PEAK1: variants seen among roughly 807,000 people sequenced by gnomAD.
PEAK1 encodes the protein pseudopodium enriched atypical kinase 1, also known as inactive tyrosine-protein kinase PEAK1.
In PEAK1, 54 loss-of-function variants were observed where a neutral mutation model predicts 124.7. The ratio of observed to expected loss-of-function variants is 0.43; its 90% CI spans 0.35 to 0.54. The LOEUF (loss-of-function observed/expected upper bound fraction) is 0.54, where lower values mean the gene tolerates loss of function less well. Among genes scored for constraint, PEAK1 ranks in the 20% least tolerant of loss-of-function variants. The pLI is 0.01. For missense variants in PEAK1, 2,046 were observed against 2,134.5 expected, an observed-to-expected ratio of 0.96 and a Z score of 0.82; for synonymous variants, 719 against 760.0, an observed-to-expected ratio of 0.95 and a Z score of 0.89.
chr15:77,206,739 A>T (rs1259436811), intron 6 of PEAK1, among the ~76,000 whole-genome samples: 1 of 151,956 alleles, frequency 6.6e-6, no homozygotes, highest in East Asian at 1.9e-4. Flanking sequence ...CCTTTGTCAG[A>T]CGAGTAGGTT....
intron 6 of PEAK1, among the ~76,000 whole-genome samples, chr15:77,203,225 A>G (rs2058457874): frequency 1.3e-5 from 2 of 152,038 alleles, no homozygotes; most frequent in South Asian, 4.2e-4. Flanking sequence ...AAGGGGACGT[A>G]AGAGAGGCAG....
At chr15:77,272,726 T>C (rs1157592084) in intron 5 of PEAK1, among the ~76,000 whole-genome samples, 1 of 151,726 alleles carries the variant, frequency 6.6e-6, no homozygotes, top group African/African-American at 2.4e-5. Context: ...CTCCAGAAGA[T>C]ACAGAAAGAA....
intron 8 of PEAK1, among the ~76,000 whole-genome samples, chr15:77,135,081 A>T (rs1258226443): frequency 6.6e-6 from 1 of 152,188 alleles, no homozygotes; most frequent in Non-Finnish European, 1.5e-5. Flanking sequence ...ACTGTCTCAG[A>T]GGGAACACAG....
chr15:77,389,378 C>T (rs1392257569), intron 1 of PEAK1, among the ~76,000 whole-genome samples: 1 of 152,132 alleles, frequency 6.6e-6, no homozygotes, highest in Non-Finnish European at 1.5e-5. Context: ...CCCTGTGTGT[C>T]ACTAGACAGG....
chr15:77,348,022 C>A (rs180710065), intron 2 of PEAK1: 3 of 985,190 alleles, frequency 3.0e-6, no homozygotes, highest in Non-Finnish European at 1.2e-6. Flanking sequence ...TTAAAATTCC[C>A]AAACTATGCA....
intron 8 of PEAK1, among the ~76,000 whole-genome samples, chr15:77,146,869 T>G (rs1429170222): frequency 2.6e-5 from 4 of 152,194 alleles, no homozygotes; most frequent in African/African-American, 7.2e-5. Flanking sequence ...TATAACAACA[T>G]TATTCTATAA....
At chr15:77,383,070 TG>T (rs1225626106) in intron 1 of PEAK1, among the ~76,000 whole-genome samples, 2 of 150,264 alleles carry the variant, frequency 1.3e-5, no homozygotes, top group East Asian at 3.9e-4. Flanking sequence ...TTGCCCAGGC[TG>T]GAGCGTAAGT....
In PEAK1 at chr15:77,202,612, A is replaced by T. The variant is rs72475989; in HGVS notation, c.-114-20572T>A. On this transcript the variant is annotated intron_variant, in intron 6 of 9. Transcript: ENST00000682557. ...AAACCCCGTCTCTACTAAAAAAAAT[A>T]AAAAAAAAATAGCTGGGCATGGTGG... Among the ~76,000 whole-genome samples the T allele has an allele frequency of 2.8e-3, 422 of 148,676 alleles. 7 individuals are homozygous for T. In the East Asian group the frequency reaches 0.043, roughly 15 times the overall value.
chr15:77,336,076 A>C (rs1207922240), intron 2 of PEAK1: 1 of 985,322 alleles, frequency 1.0e-6, no homozygotes, highest in African/African-American at 1.7e-5. Flanking sequence ...CCATTAAAAG[A>C]CTGCTATGAA....
At chr15:77,355,422 T>C (rs2067459107) in intron 2 of PEAK1, among the ~76,000 whole-genome samples, 1 of 152,238 alleles carries the variant, frequency 6.6e-6, no homozygotes, top group Admixed American at 6.5e-5. Flanking sequence ...CAAGAATGAC[T>C]GTTCAGATTA....
chr15:77,381,872 T>C (rs138319437), intron 1 of PEAK1, among the ~76,000 whole-genome samples: 1 of 152,300 alleles, frequency 6.6e-6, no homozygotes, highest in African/African-American at 2.4e-5. Context: ...CCTAATTGTA[T>C]CTGAACTGGA....
chr15:77,250,250 T>TAC (rs2060813497), intron 6 of PEAK1, among the ~76,000 whole-genome samples: 1 of 70,774 alleles, frequency 1.4e-5, no homozygotes, highest in African/African-American at 4.1e-5. Flanking sequence ...TATATATATA[T>TAC]ATATATATTT....
At chr15:77,231,615 A>G (rs939755921) in intron 6 of PEAK1, among the ~76,000 whole-genome samples, 1 of 152,314 alleles carries the variant, frequency 6.6e-6, no homozygotes, top group East Asian at 1.9e-4. Flanking sequence ...GTTTTAGAGT[A>G]TAATTTTCTT....
At chr15:77,116,697 AATCAATCTATCT>A (rs1461253232) in intron 9 of PEAK1, among the ~76,000 whole-genome samples, 190 of 137,168 alleles carry the variant, frequency 1.4e-3, no homozygotes, top group African/African-American at 3.9e-3. Flanking sequence ...CATGGAAATC[AATCAATCTATCT>A]ATCTATCTAT....
intron 5 of PEAK1, 76 bp downstream of exon 5, chr15:77,283,807 C>T (rs1223648094): frequency 1.5e-6 from 1 of 672,684 alleles, no homozygotes; most frequent in Admixed American, 6.3e-5. Context: ...GTCAATTATG[C>T]TTATTCTTAA....
At chr15:77,327,626 GA>G (rs1316837389) in intron 2 of PEAK1, among the ~76,000 whole-genome samples, 5 of 151,832 alleles carry the variant, frequency 3.3e-5, no homozygotes, top group Non-Finnish European at 7.4e-5. Context: ...CTTTTTAACA[GA>G]AAAGAAGAAC....
intron 8 of PEAK1, among the ~76,000 whole-genome samples, chr15:77,137,764 G>A (rs1281478408): frequency 1.3e-5 from 2 of 152,154 alleles, no homozygotes. Flanking sequence ...AATGAGTTAA[G>A]ACTTTAGGGG....
At chr15:77,395,673 G>GA (rs1169042798) in intron 1 of PEAK1, among the ~76,000 whole-genome samples, 4 of 149,902 alleles carry the variant, frequency 2.7e-5, no homozygotes, top group East Asian at 1.9e-4. Flanking sequence ...AGTGCTTAAG[G>GA]AAAAAAAAAC....
chr15:77,185,243 AC>A (rs889977722), intron 6 of PEAK1, among the ~76,000 whole-genome samples: 1 of 152,230 alleles, frequency 6.6e-6, no homozygotes, highest in African/African-American at 2.4e-5. Context: ...ATATTTTGTC[AC>A]CCTGCATACA....
Sources: gnomAD v4.1 joint callset for allele counts (sites outside exome capture counted in the v4.1 genomes callset) on GRCh38, gnomAD v4.1.1 for gene constraint, MANE v1.5 for transcripts, NCBI Gene and HGNC (gene_info 2026-07-23, HGNC 2026-07-21) for gene names.